ATP10B: variants seen among roughly 807,000 people sequenced by gnomAD.
The protein encoded by ATP10B is ATPase phospholipid transporting 10B (putative), also known as phospholipid-transporting ATPase VB.
In ATP10B, 122 loss-of-function variants were observed where a neutral mutation model predicts 141.2. That is an observed-to-expected ratio of 0.86 (90% CI 0.75 to 1.00). The LOEUF (loss-of-function observed/expected upper bound fraction) is 1.00. ATP10B is among the 50% of genes least tolerant of loss of function. The probability of loss-of-function intolerance (pLI) is 0.00; values close to 1 mark genes in which losing one functional copy is unlikely to be tolerated. For missense variants in ATP10B, 1,876 were observed against 1,825.3 expected (o/e 1.03, Z -0.51); for synonymous variants, 685 against 692.0 (o/e 0.99, Z 0.16).
At chr5:160,567,990 G>C (rs543786007) in intron 25 of ATP10B, among the ~76,000 whole-genome samples, 24 of 152,292 alleles carry the variant, frequency 1.6e-4, no homozygotes, top group South Asian at 6.2e-4. Context: ...TTGGTGAAAG[G>C]CTAGATATGG....
chr5:160,632,336 G>T lies in ATP10B; in HGVS notation c.1413C>A (p.Asp471Glu), dbSNP rs746581344. The change falls in exon 13 of 26, where the codon GAC becomes GAA. Residue 471 changes from aspartate to glutamate, a missense_variant. Transcript: ENST00000327245. The part of the protein sequence containing the change: ...AKRLETPKEL[D>E]SDGEEWTQYQ... Reference sequence around the variant, plus strand: ...ATTGGGTCCACTCTTCACCATCTGAGTCCAGCTCCTTTGGGGTCTCCAGTC... The same window carrying T: ...ATTGGGTCCACTCTTCACCATCTGATTCCAGCTCCTTTGGGGTCTCCAGTC... The T allele has an allele frequency of 6.2e-7, 1 of 1,614,216 alleles. No homozygotes were observed. Among genetic ancestry groups the T allele is most frequent in the South Asian group, 1.1e-5 (1 of 91,084 alleles).
intron 2 of ATP10B, among the ~76,000 whole-genome samples, chr5:160,782,594 T>C (rs566093332): frequency 3.9e-5 from 6 of 152,172 alleles, no homozygotes; most frequent in Non-Finnish European, 7.4e-5. Flanking sequence ...GACCTAGCAA[T>C]GACTCTTCAA....
chr5:160,750,938 TC>T (rs1768111954), intron 2 of ATP10B, among the ~76,000 whole-genome samples: 1 of 152,158 alleles, frequency 6.6e-6, no homozygotes, highest in Non-Finnish European at 1.5e-5. Context: ...CCCTACACTT[TC>T]TTTAGATTCT....
chr5:160,641,805 A>G (rs1389645405), intron 9 of ATP10B, among the ~76,000 whole-genome samples: 1 of 152,256 alleles, frequency 6.6e-6, no homozygotes, highest in Admixed American at 6.5e-5. Flanking sequence ...CAGCTCCAGA[A>G]GCAAACGGCT....
At chr5:160,722,048 A>G (rs1766034057) in intron 2 of ATP10B, among the ~76,000 whole-genome samples, 1 of 152,216 alleles carries the variant, frequency 6.6e-6, no homozygotes, top group Non-Finnish European at 1.5e-5. Flanking sequence ...TCCATGAAAT[A>G]ATATTTTTAA....
At chr5:160,880,745 C>CA in the ATP10B span, among the ~76,000 whole-genome samples, 5 of 151,452 alleles carry the variant, frequency 3.3e-5, no homozygotes, top group Non-Finnish European at 7.4e-5. Flanking sequence ...ATTCACATGC[C>CA]AAAAAAAATC....
chr5:160,608,103 G>A (rs942001686), intron 18 of ATP10B, among the ~76,000 whole-genome samples: 2 of 149,022 alleles, frequency 1.3e-5, no homozygotes, highest in African/African-American at 5.0e-5. Context: ...GACAGGCCCC[G>A]GTGTCTGATG....
intron 1 of ATP10B, among the ~76,000 whole-genome samples, chr5:160,832,262 T>C (rs1371058183): frequency 6.6e-6 from 1 of 152,182 alleles, no homozygotes; most frequent in Non-Finnish European, 1.5e-5. Context: ...CTTTGTAAGA[T>C]TGTTCATGAC....
chr5:160,653,860 T>C (rs1406202040), intron 7 of ATP10B, among the ~76,000 whole-genome samples: 2 of 125,040 alleles, frequency 1.6e-5, no homozygotes, highest in South Asian at 2.4e-4. Flanking sequence ...TATATAAATA[T>C]ATATTAATAT....
rs764783183 is a variant in ATP10B at position 160,811,252 on chromosome 5, T to C, written c.-575-25449A>G. ...TCAGGCGAGACTCAGCATATTCTCA[T>C]TGGGAGTGATTATGGGGAGAGGTTC... On this transcript the variant is annotated intron_variant, in intron 1 of 25. Coordinates refer to ENST00000327245, the MANE Select transcript of ATP10B (RefSeq NM_025153.3). Among the ~76,000 whole-genome samples the C allele has an allele frequency of 4.5e-4, 69 of 152,118 alleles. 2 individuals carry two copies. Among genetic ancestry groups the C allele is most frequent in the Non-Finnish European group, 9.3e-4 (63 of 68,000 alleles).
intron 24 of ATP10B, among the ~76,000 whole-genome samples, chr5:160,580,262 C>G (rs1311695520): frequency 6.6e-6 from 1 of 152,096 alleles, no homozygotes; most frequent in African/African-American, 2.4e-5. Flanking sequence ...GGGAATGTTT[C>G]CAGCTTTTGC....
At chr5:160,886,736 C>T in the ATP10B span, among the ~76,000 whole-genome samples, 1 of 152,074 alleles carries the variant, frequency 6.6e-6, no homozygotes, top group African/African-American at 2.4e-5. Flanking sequence ...CAAAAAGAAC[C>T]TCTAAAAGAT....
the ATP10B span, among the ~76,000 whole-genome samples, chr5:160,880,092 G>T: frequency 6.7e-6 from 1 of 148,730 alleles, no homozygotes; most frequent in Non-Finnish European, 1.5e-5. Flanking sequence ...TATCATCTAT[G>T]TGAGAAACTA....
At chr5:160,589,444 C>T in intron 24 of ATP10B, 148 bp downstream of exon 24, 2 of 629,014 alleles carry the variant, frequency 3.2e-6, no homozygotes. Flanking sequence ...TCACCCCTTT[C>T]ATCCCTGTAC....
chr5:160,831,456 A>G (rs1368056227), intron 1 of ATP10B, among the ~76,000 whole-genome samples: 1 of 152,134 alleles, frequency 6.6e-6, no homozygotes, highest in Admixed American at 6.6e-5. Context: ...CAAGTACATA[A>G]TACTTCATTT....
chr5:160,589,801 A>G, intron 23 of ATP10B, 105 bp from the exon 24 acceptor site: 2 of 804,402 alleles, frequency 2.5e-6, no homozygotes, highest in Non-Finnish European at 4.3e-6. Flanking sequence ...TCAATGGAGA[A>G]GGAGGTACCC....
In ATP10B at chr5:160,718,005, C is replaced by T. The variant is rs1765762419; in HGVS notation, c.-330-971G>A. On this transcript the variant is annotated intron_variant, in intron 2 of 25. Coordinates refer to ENST00000327245, the MANE Select transcript of ATP10B (RefSeq NM_025153.3). ...TCTCAGTTGGGGGGCCACAGAGGGCCAGCCAGGCTGAGATCAAGGAGAAAG... is the reference window on the plus strand; with the variant it reads ...TCTCAGTTGGGGGGCCACAGAGGGCTAGCCAGGCTGAGATCAAGGAGAAAG... Among the ~76,000 whole-genome samples, 4 of 152,172 alleles carry T rather than the reference C, an allele frequency of 2.6e-5. No individual in the cohort carries two copies. In the South Asian group the frequency reaches 8.3e-4, roughly 32 times the overall value.
At chr5:160,622,773 T>A (rs187170162) in intron 13 of ATP10B, among the ~76,000 whole-genome samples, 188 bp from the exon 14 acceptor site, 49 of 152,322 alleles carry the variant, frequency 3.2e-4, no homozygotes, top group Admixed American at 4.6e-4. Flanking sequence ...GTGCCACATG[T>A]CCATCCATTA....
At chr5:160,803,376 G>A (rs1772527214) in intron 1 of ATP10B, among the ~76,000 whole-genome samples, 4 of 152,098 alleles carry the variant, frequency 2.6e-5, no homozygotes, top group South Asian at 4.1e-4. Flanking sequence ...ATCAACTGAG[G>A]CATAGGAAGA....
Sources: allele counts gnomAD v4.1 joint callset (sites outside exome capture counted in the v4.1 genomes callset), GRCh38; gene constraint gnomAD v4.1.1; transcripts MANE v1.5; gene names NCBI Gene and HGNC (gene_info 2026-07-23, HGNC 2026-07-21).